Variants in HSPG2 observed in about 807,000 individuals in gnomAD.
HSPG2 encodes basement membrane-specific heparan sulfate proteoglycan core protein.
A neutral mutation model predicts 526.6 loss-of-function variants in HSPG2; 278 were observed. The observed-to-expected ratio is 0.53, with a 90% CI of 0.48 to 0.58. The LOEUF is 0.58. HSPG2 is among the 20% of genes least tolerant of loss of function. HSPG2 has a pLI of 0.00. For missense variants in HSPG2, 5,354 were observed against 6,099.5 expected (o/e 0.88, Z 4.07); for synonymous variants, 2,465 against 2,555.4 (o/e 0.96, Z 1.07).
chr1:21,878,961 C>G, intron 18 of HSPG2, 33 bp downstream of exon 18: 1 of 1,607,420 alleles, frequency 6.2e-7, no homozygotes, highest in Non-Finnish European at 8.5e-7. Context: ...CTGTCCCCAG[C>G]CAAACCCCCC....
chr1:21,872,918 C>G lies in HSPG2; in HGVS notation c.3888+79G>C. ...CCCCATGCCCAGGTCTCGGCTTCCA[C>G]CAGATGCTGCCTGATTTCCCCGCAG... On this transcript the variant is annotated intron_variant, in intron 31 of 96. Transcript: ENST00000374695. The surrounding 1 kb of genome is among the most constrained non-coding windows in gnomAD (Gnocchi z 5.5). The G allele has an allele frequency of 6.4e-7, 1 of 1,553,304 alleles. No homozygotes were observed. The highest frequency in any genetic ancestry group is 8.9e-7 in the Non-Finnish European group (1 of 1,125,476).
chr1:21,850,923 G>A (rs1217192371), intron 55 of HSPG2, among the ~76,000 whole-genome samples: 4 of 151,748 alleles, frequency 2.6e-5, no homozygotes, highest in Non-Finnish European at 4.4e-5. Context: ...GTGAGCCTAA[G>A]CTCTGAGGAT....
At chr1:21,909,791 G>T (rs1162382528) in intron 1 of HSPG2, among the ~76,000 whole-genome samples, 3 of 152,248 alleles carry the variant, frequency 2.0e-5, no homozygotes, top group Non-Finnish European at 2.9e-5. Flanking sequence ...AGCTAGAGCA[G>T]GAGAGGGTGC....
intron 1 of HSPG2, among the ~76,000 whole-genome samples, chr1:21,901,784 G>T (rs1448584682): frequency 6.6e-6 from 1 of 152,118 alleles, no homozygotes; most frequent in Non-Finnish European, 1.5e-5. Flanking sequence ...GACAGTGCAG[G>T]GGCGGGGGGA....
chr1:21,852,147 G>A lies in HSPG2; in HGVS notation c.6811C>T (p.Gln2271Ter). Residue 2271 changes from glutamine (Q) to a stop codon, truncating the protein, a stop_gained, in exon 53 of 97, where the codon CAG becomes TAG. Coordinates refer to ENST00000374695, the MANE Select transcript of HSPG2 (RefSeq NM_005529.7). LOFTEE classifies it high-confidence loss of function. ...TLDLSCVVAG[Q>*]AHAQVTWYKR... is the part of the protein sequence containing the mutation. ...TACCATGTGACCTGGGCGTGGGCCT[G>A]CCCTGCCACCACGCAGCTCAGATCC... 1 of 1,613,878 alleles carries A rather than the reference G, an allele frequency of 6.2e-7. No individual in the cohort carries two copies. Among genetic ancestry groups the A allele is most frequent in the Non-Finnish European group, 8.5e-7 (1 of 1,180,022 alleles).
At chr1:21,873,276 C>T (rs572017794) in intron 30 of HSPG2, 99 bp downstream of exon 30, 642 of 1,405,444 alleles carry the variant, frequency 4.6e-4, no homozygotes, top group Admixed American at 4.5e-4. Flanking sequence ...GAAACAGGCT[C>T]GGACAGGCAA....
At chr1:21,917,971 A>G (rs917494195) in intron 1 of HSPG2, among the ~76,000 whole-genome samples, 4 of 152,038 alleles carry the variant, frequency 2.6e-5, no homozygotes, top group African/African-American at 9.7e-5. Context: ...AAACATATGT[A>G]TATATTCAAC....
intron 33 of HSPG2, chr1:21,868,953 C>T (rs928916011): frequency 2.9e-5 from 28 of 970,644 alleles, no homozygotes; most frequent in Admixed American, 7.3e-5. Context: ...GAGAAGCCTT[C>T]GTAGGAGAGA....
intron 3 of HSPG2, among the ~76,000 whole-genome samples, chr1:21,892,713 C>T (rs907789035): frequency 2.6e-5 from 4 of 152,032 alleles, no homozygotes; most frequent in Non-Finnish European, 5.9e-5. Context: ...CAAAAATTAA[C>T]CAGGCGTGGT....
chr1:21,913,846 G>A (rs1372207064), intron 1 of HSPG2, among the ~76,000 whole-genome samples: 1 of 152,258 alleles, frequency 6.6e-6, no homozygotes, highest in Non-Finnish European at 1.5e-5. Context: ...AGTACAGTGT[G>A]AGTTCTGGGT....
At chr1:21,883,424 C>T (rs1641652285) in intron 13 of HSPG2, among the ~76,000 whole-genome samples, 2 of 152,142 alleles carry the variant, frequency 1.3e-5, no homozygotes, top group Non-Finnish European at 2.9e-5. Flanking sequence ...CTCAACAGAT[C>T]CTCCTGCCTC....
In HSPG2 at chr1:21,841,999, C is replaced by G. The variant is rs2098050598; in HGVS notation, c.9193+3G>C. On this transcript the variant is annotated splice_donor_region_variant and intron_variant, in intron 69 of 96. Transcript: ENST00000374695. Reference sequence around the variant, plus strand: ...TGCCCACCTGCCCACCAGCCTGGCTCACCCTCCAGCTCCTGGTTCCGGGTC... The same window carrying G: ...TGCCCACCTGCCCACCAGCCTGGCTGACCCTCCAGCTCCTGGTTCCGGGTC... 1.2e-6 allele frequency: 2 copies of G among 1,613,222 alleles called. No homozygotes were observed. Among genetic ancestry groups the G allele is most frequent in the African/African-American group, 2.7e-5 (2 of 75,056 alleles).
chr1:21,829,111 T>A, intron 87 of HSPG2, 32 bp from the exon 88 acceptor site: 3 of 1,527,482 alleles, frequency 2.0e-6, no homozygotes, highest in Non-Finnish European at 2.6e-6. Context: ...GTTGGGCACA[T>A]GGGGGCACAC....
chr1:21,847,887 T>G lies in HSPG2; in HGVS notation c.7874-47A>C, dbSNP rs113578258. ...CCACGCAGCCAGAGTGAGATAACAG[T>G]GATGGCACCGGGGACCTCTCTGCCA... On this transcript the variant is annotated intron_variant, in intron 60 of 96. Transcript: ENST00000374695. The surrounding 1 kb of genome is among the most constrained non-coding windows in gnomAD (Gnocchi z 4.1). 5.6e-6 allele frequency: 9 copies of G among 1,613,698 alleles called. No individual in the cohort carries two copies. The East Asian group carries it at 2.0e-4, about 36-fold the overall frequency.
chr1:21,912,428 A>G (rs1256718269), intron 1 of HSPG2, among the ~76,000 whole-genome samples: 1 of 152,108 alleles, frequency 6.6e-6, no homozygotes, highest in East Asian at 1.9e-4. Flanking sequence ...AGAATGAGAC[A>G]CAAGAGAAAC....
At position 21,832,572 on chromosome 1, in the gene HSPG2, T is replaced by C; in HGVS notation, c.11130A>G (p.Pro3710=). 1 of 1,614,176 alleles carries C rather than the reference T, an allele frequency of 6.2e-7. No homozygotes were observed. Among genetic ancestry groups the C allele is most frequent in the Non-Finnish European group, 8.5e-7 (1 of 1,180,010 alleles). Residue 3710 remains proline, a synonymous_variant, in exon 81 of 97, where the codon CCA becomes CCG. Transcript: ENST00000374695. ...GGTTGGCCAGGTTGGTGGGGCTCCC[T>C]GGGACTCGCTTCTGCCCATTGTACA... ...MLLYNGQKRV[P]GSPTNLANRQ...
At chr1:21,835,307 A>T (rs1279786457) in intron 76 of HSPG2, 2 of 604,198 alleles carry the variant, frequency 3.3e-6, no homozygotes, top group Admixed American at 2.7e-5. Context: ...TTCAATCTTC[A>T]TCGGTTCATC....
In HSPG2 at chr1:21,850,222, C is replaced by T. The variant is rs113748255; in HGVS notation, c.7295-30G>A. On this transcript the variant is annotated intron_variant, in intron 56 of 96. Coordinates refer to ENST00000374695, the MANE Select transcript of HSPG2 (RefSeq NM_005529.7). ...GGACAGAGGGCAAAGGGTCAATAGC[C>T]GGCTAGGAGGTGAGATGAGATGGGG... 1,118 of 1,613,136 alleles carry T rather than the reference C, an allele frequency of 6.9e-4. 7 individuals carry two copies. In the African/African-American group the frequency reaches 0.012, roughly 17 times the overall value.
Position 21,895,951 on chromosome 1 carries a change from C to T in HSPG2, c.215G>A (p.Gly72Glu). 1 of 1,614,076 alleles carries T rather than the reference C, an allele frequency of 6.2e-7. No homozygotes were observed. The highest frequency in any genetic ancestry group is 8.5e-7 in the Non-Finnish European group (1 of 1,179,946). ...CTGGAAGTCCCCGCTGCCCAGGTCC[C>T]CACTGCCCAGGTCGTCTATAAGCAA... ...DSISGDDLGSGDLGSGDFQMV... is the reference protein window; with the variant it reads ...DSISGDDLGSEDLGSGDFQMV... The change falls in exon 3 of 97, where the codon GGG becomes GAG. Residue 72 changes from glycine (G) to glutamate (E), a missense_variant. Coordinates refer to ENST00000374695, the MANE Select transcript of HSPG2 (RefSeq NM_005529.7). This position sits in a 1 kb window ranked among gnomAD's most constrained non-coding sequence, Gnocchi z 4.1.
Sources: gnomAD v4.1 joint callset for allele counts (sites outside exome capture counted in the v4.1 genomes callset) on GRCh38, gnomAD v4.1.1 for gene constraint, Gnocchi (gnomAD v3.1) non-coding constraint, MANE v1.5 for transcripts, NCBI Gene and HGNC (gene_info 2026-07-23, HGNC 2026-07-21) for gene names.